Variants in APBB2 observed in about 807,000 individuals in gnomAD.
APBB2 encodes the protein Fe65-like 1.
Under a neutral mutation model 82.5 loss-of-function variants are expected in APBB2, and 38 were observed. The ratio of observed to expected loss-of-function variants is 0.46; its 90% CI spans 0.36 to 0.60. The LOEUF is 0.60. Among genes scored for constraint, APBB2 ranks in the 20% least tolerant of loss-of-function variants. APBB2 has a pLI of 0.00. For synonymous variants in APBB2, 341 were observed against 368.2 expected (o/e 0.93, Z 0.85); for missense variants, 772 against 972.3 (o/e 0.79, Z 2.74).
intron 12 of APBB2, chr4:40,880,079 A>G (rs1221708227): frequency 1.0e-6 from 1 of 985,430 alleles, no homozygotes; most frequent in African/African-American, 1.7e-5. Context: ...CTTGCATGAA[A>G]GGACCTCCAT....
intron 4 of APBB2, among the ~76,000 whole-genome samples, chr4:41,037,586 T>A (rs772546738): frequency 4.6e-5 from 7 of 152,208 alleles, no homozygotes; most frequent in Non-Finnish European, 1.0e-4. Flanking sequence ...ACATTTATCA[T>A]CCCTGGTCTC....
chr4:40,829,043 T>C (rs963343513), intron 13 of APBB2, among the ~76,000 whole-genome samples: 3 of 152,158 alleles, frequency 2.0e-5, no homozygotes, highest in African/African-American at 4.8e-5. Context: ...ACAGAGGGGA[T>C]GGCAAAATTC....
At chr4:40,887,362 T>C (rs989388828) in intron 12 of APBB2, among the ~76,000 whole-genome samples, 8 of 152,220 alleles carry the variant, frequency 5.3e-5, no homozygotes, top group Admixed American at 1.3e-4. Context: ...ACACTTCTCT[T>C]ATTCATTTTA....
At chr4:41,048,382 G>A (rs1225605127) in intron 4 of APBB2, among the ~76,000 whole-genome samples, 2 of 152,214 alleles carry the variant, frequency 1.3e-5, no homozygotes, top group East Asian at 1.9e-4. Context: ...CACTCACCCC[G>A]TAACTGCTAA....
chr4:40,899,905 C>T (rs1774781568), intron 10 of APBB2, among the ~76,000 whole-genome samples: 1 of 152,174 alleles, frequency 6.6e-6, no homozygotes, highest in Admixed American at 6.5e-5. Context: ...CAGGCCTTGC[C>T]TGTAACCAGG....
intron 10 of APBB2, among the ~76,000 whole-genome samples, chr4:40,909,406 A>T (rs1466340774): frequency 6.6e-6 from 1 of 152,230 alleles, no homozygotes; most frequent in Non-Finnish European, 1.5e-5. Flanking sequence ...GCAGGCTGAC[A>T]AACAACGATG....
At chr4:41,119,283 G>C (rs1752068385) in intron 2 of APBB2, among the ~76,000 whole-genome samples, 2 of 152,016 alleles carry the variant, frequency 1.3e-5, no homozygotes, top group Admixed American at 6.6e-5. Context: ...GTGTGAATGG[G>C]GCCGACTGGG....
Position 40,821,973 on chromosome 4 carries a change from A to G in APBB2, c.2010T>C (p.Phe670=). The change falls in exon 17 of 18, where the codon TTT becomes TTC. Residue 670 remains phenylalanine, a synonymous_variant. Transcript: ENST00000508593. The part of the protein sequence containing the change: ...FMGVGKDVHT[F]AFIMDTGNQR... ...GGTTCCCCGTGTCCATGATGAAGGC[A>G]AATGTGTGGACGTCCTTCCCAACAC... 2 of 1,614,184 alleles carry G rather than the reference A, an allele frequency of 1.2e-6. No individual in the cohort carries two copies. The highest frequency in any genetic ancestry group is 2.2e-5 in the South Asian group (2 of 91,082).
intron 1 of APBB2, among the ~76,000 whole-genome samples, chr4:41,161,314 G>A (rs188477828): frequency 6.6e-6 from 1 of 152,064 alleles, no homozygotes; most frequent in East Asian, 1.9e-4. Flanking sequence ...TCTCTCAAAA[G>A]TATAGCATTC....
At chr4:40,849,201 C>T (rs1217752506) in intron 12 of APBB2, among the ~76,000 whole-genome samples, 1 of 152,146 alleles carries the variant, frequency 6.6e-6, no homozygotes, top group African/African-American at 2.4e-5. Flanking sequence ...TGGTTCATAT[C>T]CTGTTTTCAT....
intron 12 of APBB2, among the ~76,000 whole-genome samples, chr4:40,867,520 C>G (rs1764333386): frequency 6.6e-6 from 1 of 152,212 alleles, no homozygotes; most frequent in African/African-American, 2.4e-5. Flanking sequence ...CTGTCTCATT[C>G]TCCAAATTGT....
chr4:41,052,212 C>G (rs199879411), intron 4 of APBB2, among the ~76,000 whole-genome samples: 1 of 23,064 alleles, frequency 4.3e-5, no homozygotes, highest in Non-Finnish European at 8.1e-5. Context: ...TACAAAAATA[C>G]ATACATACAT....
chr4:40,897,040 C>T (rs966554379), intron 10 of APBB2, among the ~76,000 whole-genome samples: 14 of 152,292 alleles, frequency 9.2e-5, no homozygotes, highest in Admixed American at 2.6e-4. Context: ...CCTAGGACTG[C>T]TCAAAAGAAT....
At chr4:40,900,752 C>A (rs888023581) in intron 10 of APBB2, among the ~76,000 whole-genome samples, 17 of 147,970 alleles carry the variant, frequency 1.1e-4, no homozygotes, top group African/African-American at 4.2e-4. Context: ...TCACTGAGCC[C>A]GGGCTTTTTT....
intron 1 of APBB2, among the ~76,000 whole-genome samples, chr4:41,158,700 C>A (rs1014608983): frequency 3.3e-5 from 5 of 152,270 alleles, no homozygotes; most frequent in African/African-American, 1.2e-4. Context: ...TATGCTGCTG[C>A]CTGAAATTCT....
intron 1 of APBB2, among the ~76,000 whole-genome samples, chr4:41,203,842 C>A (rs898265775): frequency 6.6e-5 from 10 of 152,246 alleles, no homozygotes; most frequent in Non-Finnish European, 1.5e-4. Context: ...CTGCTCCAAG[C>A]ATGAGAAATC....
At chr4:41,179,861 T>C (rs1770851939) in intron 1 of APBB2, among the ~76,000 whole-genome samples, 1 of 152,188 alleles carries the variant, frequency 6.6e-6, no homozygotes, top group African/African-American at 2.4e-5. Context: ...TATATATAAA[T>C]TCAGAAGTAA....
Position 40,824,434 on chromosome 4 carries a change from C to T in APBB2, c.1817-675G>A, listed in dbSNP as rs547926133. ...GTATCATTCACATGCAATTCACTCA[C>T]GTAAAGTGTGCAATCCAGTGGATTT... is the stretch of plus-strand genomic sequence containing the variant. On this transcript the variant is annotated intron_variant, in intron 15 of 17. Transcript: ENST00000508593. 1.1e-4 allele frequency among the ~76,000 whole-genome samples: 17 copies of T among 152,290 alleles called. No homozygotes were observed. The South Asian group carries it at 1.5e-3, about 13-fold the overall frequency.
At chr4:40,979,144 A>G (rs1440465616) in intron 6 of APBB2, among the ~76,000 whole-genome samples, 1 of 152,214 alleles carries the variant, frequency 6.6e-6, no homozygotes, top group African/African-American at 2.4e-5. Flanking sequence ...AAGGAAGGCT[A>G]TATACTTTTT....
Sources: allele counts gnomAD v4.1 joint callset (sites outside exome capture counted in the v4.1 genomes callset), GRCh38; gene constraint gnomAD v4.1.1; transcripts MANE v1.5; gene names NCBI Gene and HGNC (gene_info 2026-07-23, HGNC 2026-07-21).